CELF5: variants seen among roughly 807,000 people sequenced by gnomAD.
CELF5 encodes the protein CUGBP Elav-like family member 5.
CELF5 carries 6 observed loss-of-function variants against 54.9 expected under a neutral mutation model. The ratio of observed to expected loss-of-function variants is 0.11; its 90% CI spans 0.06 to 0.22. CELF5 has a LOEUF of 0.22. Among genes scored for constraint, CELF5 ranks in the 10% least tolerant of loss-of-function variants. The pLI is 1.00. For synonymous variants in CELF5, 271 were observed against 290.9 expected (o/e 0.93, Z 0.70); for missense variants, 401 against 678.6 (o/e 0.59, Z 4.54).
chr19:3,267,761 A>G (rs890979611), intron 2 of CELF5, among the ~76,000 whole-genome samples: 2 of 152,008 alleles, frequency 1.3e-5, no homozygotes, highest in African/African-American at 4.8e-5. Flanking sequence ...CAGACGTGGC[A>G]GCTGCCTTGA....
intron 11 of CELF5, among the ~76,000 whole-genome samples, chr19:3,291,772 A>ATGGAGAG (rs2080353218): frequency 6.7e-6 from 1 of 149,628 alleles, no homozygotes; most frequent in Non-Finnish European, 1.5e-5. Context: ...GAGGGGGAAC[A>ATGGAGAG]TGGAGAGGGG....
intron 1 of CELF5, among the ~76,000 whole-genome samples, chr19:3,243,164 TTTTTC>T: frequency 6.6e-6 from 1 of 152,158 alleles, no homozygotes; most frequent in Admixed American, 6.5e-5. Flanking sequence ...CTTTTTCAGT[TTTTTC>T]TTTTTTTCTT....
At chr19:3,251,138 T>G (rs778904770) in intron 2 of CELF5, 71 bp downstream of exon 2, 14 of 1,148,872 alleles carry the variant, frequency 1.2e-5, no homozygotes, top group Non-Finnish European at 1.7e-5. Flanking sequence ...GAGCCAAGGC[T>G]CTTCCTGAGA....
At chr19:3,257,785 T>A (rs10410346) in intron 2 of CELF5, among the ~76,000 whole-genome samples, 36,665 of 80,482 alleles carry the variant, frequency 0.46, 5,895 homozygotes, top group East Asian at 0.59. Context: ...CTCCATTTTT[T>A]TTTATTTATT....
chr19:3,245,299 CTG>C (rs374165720), intron 1 of CELF5, among the ~76,000 whole-genome samples: 32 of 122,618 alleles, frequency 2.6e-4, no homozygotes, highest in East Asian at 1.0e-3. Context: ...GTGTTTGCAT[CTG>C]TGTGTGTGTG....
intron 12 of CELF5, chr19:3,296,427 C>T (rs1234377975): frequency 1.7e-5 from 1 of 60,096 alleles, no homozygotes; most frequent in African/African-American, 8.2e-5. Flanking sequence ...GTGGGGGAAA[C>T]CACACAGAAA....
Position 3,275,636 on chromosome 19 carries a change from G to A in CELF5, c.395-220G>A, listed in dbSNP as rs1157368517. 2.0e-5 allele frequency among the ~76,000 whole-genome samples: 3 copies of A among 152,182 alleles called. No homozygotes were observed. Among genetic ancestry groups the A allele is most frequent in the Middle Eastern group, 6.3e-3 (2 of 316 alleles). On this transcript the variant is annotated intron_variant, in intron 3 of 12. Transcript: ENST00000292672. This position sits in a 1 kb window ranked among gnomAD's most constrained non-coding sequence, Gnocchi z 6.7. ...CGGGGGCGCCACCTGGGCAAAGGCC[G>A]GGAGATGGGAGCGTGCAGGGCCCGT...
chr19:3,229,094 C>T (rs1234787631), intron 1 of CELF5, among the ~76,000 whole-genome samples: 1 of 128,190 alleles, frequency 7.8e-6, no homozygotes, highest in Non-Finnish European at 1.6e-5. Flanking sequence ...ACCTCCCTCC[C>T]CCCGCCCCCC....
At chr19:3,285,292 C>G (rs1009623053) in intron 9 of CELF5, among the ~76,000 whole-genome samples, 18 of 152,068 alleles carry the variant, frequency 1.2e-4, no homozygotes, top group African/African-American at 4.3e-4. Flanking sequence ...TGACCCAACC[C>G]CAGCTCTCGG....
chr19:3,273,036 G>A (rs531962287), intron 2 of CELF5, among the ~76,000 whole-genome samples: 1 of 152,194 alleles, frequency 6.6e-6, no homozygotes, highest in African/African-American at 2.4e-5. Flanking sequence ...GAATCCAGAT[G>A]GCAGGCTGGT....
chr19:3,241,728 C>T (rs560383481), intron 1 of CELF5, among the ~76,000 whole-genome samples: 21 of 152,274 alleles, frequency 1.4e-4, no homozygotes, highest in African/African-American at 4.3e-4. Context: ...ACAGGGCCCT[C>T]AGCATTTGAT....
At chr19:3,262,283 C>T (rs1328146359) in intron 2 of CELF5, among the ~76,000 whole-genome samples, 1 of 152,138 alleles carries the variant, frequency 6.6e-6, no homozygotes, top group Admixed American at 6.6e-5. Context: ...CCCATCTTGG[C>T]CTCCCAAAGT....
chr19:3,239,551 T>C (rs1219756665), intron 1 of CELF5, among the ~76,000 whole-genome samples: 2 of 150,518 alleles, frequency 1.3e-5, no homozygotes, highest in Non-Finnish European at 2.9e-5. Flanking sequence ...TTTTTTTTTT[T>C]CAGTAGAGTT....
chr19:3,226,455 C>CACACACACACAG (rs1916920640), intron 1 of CELF5, among the ~76,000 whole-genome samples: 1 of 151,442 alleles, frequency 6.6e-6, no homozygotes, highest in Admixed American at 6.6e-5. Context: ...CACACACACA[C>CACACACACACAG]ACACACACAC....
chr19:3,254,266 A>G (rs2079688810), intron 2 of CELF5, among the ~76,000 whole-genome samples: 1 of 151,998 alleles, frequency 6.6e-6, no homozygotes, highest in South Asian at 2.1e-4. Flanking sequence ...GCTTCCATCC[A>G]TCCATGCACC....
At chr19:3,247,554 G>A (rs923048901) in intron 1 of CELF5, among the ~76,000 whole-genome samples, 5 of 150,026 alleles carry the variant, frequency 3.3e-5, no homozygotes, top group South Asian at 4.3e-4. Flanking sequence ...GAGCCACTGC[G>A]CCCGGTCTCT....
In CELF5 at chr19:3,278,239, C is replaced by T. The variant is rs1018436976; in HGVS notation, c.603+129C>T. 2.2e-4 allele frequency: 151 copies of T among 694,866 alleles called. No individual in the cohort carries two copies. In the African/African-American group the frequency reaches 2.3e-3, roughly 11 times the overall value. 43.0% of individuals were successfully genotyped at this position (694,866 alleles called of 1,614,324 possible). ...CCCTGGCTGTCCTTCAGAGGGGGCA[C>T]AGGTGGAGAAAGAGGCGCAGTCCCT... is the stretch of plus-strand genomic sequence containing the variant. On this transcript the variant is annotated intron_variant, in intron 5 of 12. Coordinates refer to ENST00000292672, the MANE Select transcript of CELF5 (RefSeq NM_021938.4). This position sits in a 1 kb window ranked among gnomAD's most constrained non-coding sequence, Gnocchi z 4.5.
At chr19:3,250,882 T>TCGC in intron 1 of CELF5, 103 bp from the exon 2 acceptor site, 1 of 614,998 alleles carries the variant, frequency 1.6e-6, no homozygotes, top group Non-Finnish European at 2.9e-6. Flanking sequence ...CATCTGTGGA[T>TCGC]GGAAGCTTGG....
At chr19:3,231,436 G>T (rs1246873810) in intron 1 of CELF5, among the ~76,000 whole-genome samples, 2 of 151,306 alleles carry the variant, frequency 1.3e-5, no homozygotes, top group East Asian at 3.9e-4. Context: ...ATGGATTGAT[G>T]GATGGGTGAA....
Sources: gnomAD v4.1 joint callset for allele counts (sites outside exome capture counted in the v4.1 genomes callset) on GRCh38, gnomAD v4.1.1 for gene constraint, Gnocchi (gnomAD v3.1) non-coding constraint, MANE v1.5 for transcripts, NCBI Gene and HGNC (gene_info 2026-07-23, HGNC 2026-07-21) for gene names.